Variants in GRM7 observed in about 807,000 individuals in gnomAD.
The protein encoded by GRM7 is metabotropic glutamate receptor 7.
In GRM7, 35 loss-of-function variants were observed where a neutral mutation model predicts 84.5. The ratio of observed to expected loss-of-function variants is 0.41; its 90% CI spans 0.32 to 0.55. The LOEUF (loss-of-function observed/expected upper bound fraction) is 0.55. GRM7 is among the 20% of genes least tolerant of loss of function. The pLI, the probability that GRM7 is intolerant of heterozygous loss-of-function variation, is 0.19. For missense variants in GRM7, 1,003 were observed against 1,194.6 expected, an observed-to-expected ratio of 0.84 and a Z score of 2.36; for synonymous variants, 487 against 455.1, an observed-to-expected ratio of 1.07 and a Z score of -0.89.
At chr3:7,247,237 G>A (rs2124931666) in intron 2 of GRM7, among the ~76,000 whole-genome samples, 1 of 152,138 alleles carries the variant, frequency 6.6e-6, no homozygotes, top group Admixed American at 6.6e-5. Context: ...CTTTGGGTGA[G>A]CAAAAATTTT....
intron 8 of GRM7, among the ~76,000 whole-genome samples, chr3:7,648,654 GAA>G (rs749572979): frequency 3.1e-5 from 4 of 130,092 alleles, no homozygotes; most frequent in Non-Finnish European, 1.7e-5. Context: ...GTCTCAAAAA[GAA>G]AAAAAAAAAA....
chr3:7,532,120 G>T (rs1701060022), intron 7 of GRM7, among the ~76,000 whole-genome samples: 1 of 152,114 alleles, frequency 6.6e-6, no homozygotes, highest in Admixed American at 6.6e-5. Flanking sequence ...GTATCAGGAT[G>T]ATACTGGCCT....
intron 4 of GRM7, among the ~76,000 whole-genome samples, chr3:7,388,741 C>G (rs1335000985): frequency 6.6e-6 from 1 of 152,012 alleles, no homozygotes; most frequent in Non-Finnish European, 1.5e-5. Flanking sequence ...TCATAGTAGT[C>G]TCTGAAGACC....
intron 7 of GRM7, among the ~76,000 whole-genome samples, chr3:7,540,520 AG>A: frequency 6.6e-6 from 1 of 152,316 alleles, no homozygotes; most frequent in Non-Finnish European, 1.5e-5. Flanking sequence ...ATGTCCAAAT[AG>A]GCAAATCCAT....
At chr3:7,437,718 GT>G (rs1260435131) in intron 5 of GRM7, among the ~76,000 whole-genome samples, 1 of 151,566 alleles carries the variant, frequency 6.6e-6, no homozygotes, top group African/African-American at 2.4e-5. Flanking sequence ...CTCTTCGTGT[GT>G]TCCCCATCCT....
At chr3:7,377,271 A>C (rs113560771) in intron 4 of GRM7, among the ~76,000 whole-genome samples, 3,342 of 152,288 alleles carry the variant, frequency 0.022, 108 homozygotes, top group African/African-American at 0.076. Context: ...AAGTGTGACC[A>C]CAGGGGTGTT....
rs55933029 is a variant in GRM7, at chr3:7,407,522, C to G, written c.1034-7501C>G. ...ACAAAAGGAAAGGAACCTGCATTTACTGAACCATTTTAAAATGTTGGTTTA... is the reference window on the plus strand; with the variant it reads ...ACAAAAGGAAAGGAACCTGCATTTAGTGAACCATTTTAAAATGTTGGTTTA... On this transcript the variant is annotated intron_variant, in intron 4 of 9. Transcript: ENST00000357716. 4.6e-3 allele frequency among the ~76,000 whole-genome samples: 697 copies of G among 152,274 alleles called. 4 individuals carry two copies. The highest frequency in any genetic ancestry group is 0.024 in the South Asian group (117 of 4,822).
intron 7 of GRM7, chr3:7,559,339 C>G (rs1693909890): frequency 6.6e-6 from 1 of 152,072 alleles, no homozygotes; most frequent in Non-Finnish European, 1.5e-5. Flanking sequence ...AGCACAGATG[C>G]CAAGGTGTGT....
At chr3:7,140,174 G>C (rs1271482367) in intron 1 of GRM7, among the ~76,000 whole-genome samples, 1 of 151,828 alleles carries the variant, frequency 6.6e-6, no homozygotes, top group Non-Finnish European at 1.5e-5. Context: ...AGGATGTGTA[G>C]AGAAGGTCCC....
intron 1 of GRM7, among the ~76,000 whole-genome samples, chr3:6,910,875 G>T (rs1276663161): frequency 6.6e-6 from 1 of 152,164 alleles, no homozygotes; most frequent in African/African-American, 2.4e-5. Flanking sequence ...CTTAGTCATG[G>T]AGGAGCACTG....
chr3:7,717,803 A>G (rs1396113509), intron 9 of GRM7, among the ~76,000 whole-genome samples: 1 of 152,220 alleles, frequency 6.6e-6, no homozygotes, highest in Non-Finnish European at 1.5e-5. Context: ...CAATTCTGCC[A>G]GAGATGCTTA....
At position 6,861,556 on chromosome 3, in the gene GRM7, C is replaced by T. The variant is rs1334087079; in HGVS notation, c.168C>T (p.Pro56=). 2.5e-6 allele frequency: 4 copies of T among 1,593,348 alleles called. No homozygotes were observed. The East Asian group carries it at 6.8e-5, about 27-fold the overall frequency. The part of the protein sequence containing the change: ...EGDVTLGGLF[P]VHAKGPSGVP... ...ACGTCACCCTCGGGGGGCTGTTCCCCGTGCACGCCAAGGGTCCCAGCGGAG... is the reference window on the plus strand; with the variant it reads ...ACGTCACCCTCGGGGGGCTGTTCCCTGTGCACGCCAAGGGTCCCAGCGGAG... The change falls in exon 1 of 10, where the codon CCC becomes CCT. Residue 56 remains proline (P), a synonymous_variant. Transcript: ENST00000357716. This position sits in a 1 kb window ranked among gnomAD's most constrained non-coding sequence, Gnocchi z 6.4.
chr3:7,078,693 A>G (rs1425792252), intron 1 of GRM7, among the ~76,000 whole-genome samples: 1 of 152,194 alleles, frequency 6.6e-6, no homozygotes, highest in Non-Finnish European at 1.5e-5. Context: ...GACAGGAGCT[A>G]CAGCATACTA....
At chr3:7,038,395 T>C (rs1445610978) in intron 1 of GRM7, among the ~76,000 whole-genome samples, 2 of 152,176 alleles carry the variant, frequency 1.3e-5, no homozygotes, top group African/African-American at 4.8e-5. Context: ...ACTTGCTTGA[T>C]TCCGCTTTCC....
At position 7,382,330 on chromosome 3, in the gene GRM7, C is replaced by T. The variant is rs910009795; in HGVS notation, c.1034-32693C>T. On this transcript the variant is annotated intron_variant, in intron 4 of 9. Coordinates refer to ENST00000357716, the MANE Select transcript of GRM7 (RefSeq NM_000844.4). ...AATGGGAAGCATGAAGATTTTGTAT[C>T]TTCATTTCTATTCCATGTCTCTTGT... 5.9e-5 allele frequency among the ~76,000 whole-genome samples: 9 copies of T among 152,118 alleles called. No individual in the cohort carries two copies. In the East Asian group the frequency reaches 1.2e-3, roughly 20 times the overall value.
intron 1 of GRM7, among the ~76,000 whole-genome samples, chr3:7,106,862 A>G (rs1312356776): frequency 2.6e-5 from 4 of 152,058 alleles, no homozygotes; most frequent in Non-Finnish European, 4.4e-5. Context: ...AGCCCTGCCC[A>G]GTTTTGCCTG....
chr3:6,927,467 A>AAAGAAAGAAAGAT (rs1559333306), intron 1 of GRM7, among the ~76,000 whole-genome samples: 1 of 41,704 alleles, frequency 2.4e-5, no homozygotes, highest in Non-Finnish European at 6.8e-5. Context: ...GAGAGAGAGA[A>AAAGAAAGAAAGAT]AGAAAGAAAG....
Position 6,946,600 on chromosome 3 carries a change from T to G in GRM7, c.519+84693T>G, listed in dbSNP as rs113323222. Among the ~76,000 whole-genome samples the G allele has an allele frequency of 5.7e-3, 864 of 152,174 alleles. 31 individuals carry two copies. Among genetic ancestry groups the G allele is most frequent in the Admixed American group, 0.051 (777 of 15,276 alleles). Reference sequence around the variant, plus strand: ...AGTTTTTTCCAATTCTGTGAAGAAATTCATTGGTAGCTTGATGGGGATGGC... The same window carrying G: ...AGTTTTTTCCAATTCTGTGAAGAAAGTCATTGGTAGCTTGATGGGGATGGC... On this transcript the variant is annotated intron_variant, in intron 1 of 9. Coordinates refer to ENST00000357716, the MANE Select transcript of GRM7 (RefSeq NM_000844.4).
chr3:7,456,607 G>C (rs1698024221), intron 6 of GRM7, among the ~76,000 whole-genome samples: 1 of 151,792 alleles, frequency 6.6e-6, no homozygotes, highest in African/African-American at 2.4e-5. Flanking sequence ...AAGTTGCTGA[G>C]AGGAAGGGCT....
Sources: allele counts gnomAD v4.1 joint callset (sites outside exome capture counted in the v4.1 genomes callset), GRCh38; gene constraint gnomAD v4.1.1; non-coding constraint Gnocchi (gnomAD v3.1); transcripts MANE v1.5; gene names NCBI Gene and HGNC (gene_info 2026-07-23, HGNC 2026-07-21).